Variants in ABL1 observed in about 807,000 individuals in gnomAD.
ABL1 encodes the protein tyrosine-protein kinase ABL1.
Under a neutral mutation model 94.7 loss-of-function variants are expected in ABL1, and 11 were observed. The observed-to-expected ratio is 0.12, with a 90% CI of 0.07 to 0.19. ABL1 has a LOEUF of 0.19. ABL1 is among the 10% of genes least tolerant of loss of function. ABL1 has a pLI of 1.00. For synonymous variants in ABL1, 656 were observed against 622.4 expected, an observed-to-expected ratio of 1.05 and a Z score of -0.80; for missense variants, 1,082 against 1,489.4, an observed-to-expected ratio of 0.73 and a Z score of 4.50.
In ABL1 at chr9:130,872,965, T is replaced by G; in HGVS notation, c.1013T>G (p.Val338Gly). ...TGCAACCGGCAGGAGGTGAACGCCG[T>G]GGTGCTGCTGTACATGGCCACTCAG... is the stretch of plus-strand genomic sequence containing the variant. Reference protein sequence around the residue: ...RECNRQEVNAVVLLYMATQIS... With the variant: ...RECNRQEVNAGVLLYMATQIS... Residue 338 changes from valine to glycine, a missense_variant, in exon 6 of 11, where the codon GTG (valine) becomes GGG (glycine). Val to Gly is a moderately radical substitution (Grantham distance 109, BLOSUM62 -3). Around this residue, in one of 7 missense-constraint regions of ABL1, gnomAD observed 92 missense variants for 212.3 expected, o/e 0.43. Coordinates refer to ENST00000318560, the MANE Select transcript of ABL1 (RefSeq NM_005157.6). This position sits in a 1 kb window ranked among gnomAD's most constrained non-coding sequence, Gnocchi z 5.0. 1 of 1,614,142 alleles carries G rather than the reference T, an allele frequency of 6.2e-7. No homozygotes were observed. The highest frequency in any genetic ancestry group is 8.5e-7 in the Non-Finnish European group (1 of 1,180,024).
chr9:130,860,391 T>C (rs1020223564), intron 3 of ABL1, among the ~76,000 whole-genome samples: 1 of 152,226 alleles, frequency 6.6e-6, no homozygotes, highest in Non-Finnish European at 1.5e-5. Context: ...AGTTGGGCCA[T>C]TCAGTGAAAC....
chr9:130,885,124 C>A lies in ABL1; in HGVS notation c.2834C>A (p.Ala945Asp). 6.2e-7 allele frequency: 1 copy of A among 1,612,486 alleles called. No homozygotes were observed. The highest frequency in any genetic ancestry group is 8.5e-7 in the Non-Finnish European group (1 of 1,179,676). ...CTGGTTGATGCTGTGAACAGTGACGCTGCCAAGCCCAGCCAGCCGGGAGAG... is the reference window on the plus strand; with the variant it reads ...CTGGTTGATGCTGTGAACAGTGACGATGCCAAGCCCAGCCAGCCGGGAGAG... Reference protein sequence around the residue: ...TSLVDAVNSDAAKPSQPGEGL... With the variant: ...TSLVDAVNSDDAKPSQPGEGL... The change falls in exon 11 of 11, where the codon GCT becomes GAT. Residue 945 changes from alanine (A) to aspartate (D), a missense_variant. By Grantham distance (126) the Ala-to-Asp change is moderately radical. Around this residue, in one of 7 missense-constraint regions of ABL1, gnomAD observed 780 missense variants for 835.8 expected, o/e 0.93. Transcript: ENST00000318560.
Position 130,880,074 on chromosome 9 carries a change from A to G in ABL1, c.1430A>G (p.Gln477Arg). The G allele has an allele frequency of 1.2e-6, 2 of 1,614,182 alleles. No homozygotes were observed. The highest frequency in any genetic ancestry group is 2.2e-5 in the South Asian group (2 of 91,084). ...KVYELMRACW[Q>R]WNPSDRPSFA... ...TTGGGTTTCATCTGTCCAGGTTGGC[A>G]GTGGAATCCCTCTGACCGGCCCTCC... The change falls in exon 9 of 11, where the codon CAG (glutamine) becomes CGG (arginine). Residue 477 changes from glutamine (Q) to arginine (R), a missense_variant. Physicochemically the swap from Gln to Arg is conservative, Grantham distance 43 (BLOSUM62 1). Transcript: ENST00000318560. The surrounding 1 kb of genome is among the most constrained non-coding windows in gnomAD (Gnocchi z 4.4).
At chr9:130,744,432 C>T (rs1250409307) in intron 1 of ABL1, among the ~76,000 whole-genome samples, 3 of 151,610 alleles carry the variant, frequency 2.0e-5, no homozygotes, top group Non-Finnish European at 2.9e-5. Context: ...TGAGCCACCA[C>T]GCCTGGCCCC....
chr9:130,721,061 T>G (rs1831508313), intron 1 of ABL1, among the ~76,000 whole-genome samples: 1 of 151,428 alleles, frequency 6.6e-6, no homozygotes, highest in Non-Finnish European at 1.5e-5. Flanking sequence ...CAAAACTTTA[T>G]TTAAAATAAT....
chr9:130,735,118 C>T (rs1831718093), intron 1 of ABL1, among the ~76,000 whole-genome samples: 6 of 152,142 alleles, frequency 3.9e-5, no homozygotes, highest in African/African-American at 9.6e-5. Flanking sequence ...CAACCTCCGC[C>T]GCCTGGGTTC....
intron 1 of ABL1, among the ~76,000 whole-genome samples, chr9:130,851,741 C>G (rs911955877): frequency 6.8e-6 from 1 of 147,476 alleles, no homozygotes; most frequent in Non-Finnish European, 1.5e-5. Flanking sequence ...CAGTTCTTTT[C>G]AAATTAGAAT....
chr9:130,835,374 A>C lies in ABL1; in HGVS notation c.-73A>C. 1 of 1,041,452 alleles carries C rather than the reference A, an allele frequency of 9.6e-7. No homozygotes were observed. The highest frequency in any genetic ancestry group is 1.3e-6 in the Non-Finnish European group (1 of 791,042). The allele number at this position is 1,041,452 out of a possible 1,614,324, so 64.5% of individuals were successfully genotyped here. A position where few individuals can be genotyped will look rare whatever the true frequency, so the allele number is the denominator to read the frequency against. ...GGGCGCCGGGGGGGCGCGCGGGCCG[A>C]GCCGGGCCTGAGCCGGGCCCGCGGA... On this transcript the variant is annotated 5_prime_UTR_variant, in exon 1 of 11. Transcript: ENST00000318560. The surrounding 1 kb of genome is among the most constrained non-coding windows in gnomAD (Gnocchi z 4.6).
rs573205581 is a variant in ABL1 at position 130,764,771 on chromosome 9, C to G, written c.136+50316C>G. Among the ~76,000 whole-genome samples the G allele has an allele frequency of 2.6e-5, 4 of 152,226 alleles. No individual in the cohort carries two copies. The South Asian group carries it at 8.3e-4, about 32-fold the overall frequency. The stretch of plus-strand genomic sequence containing the variant: ...AGGAGTTCGAGATCAGCCTGGCTAA[C>G]ATGGTGAAACCCTGTCTCTACTAAA... On this transcript the variant is annotated intron_variant, in intron 1 of 10. Coordinates refer to the ABL1 transcript ENST00000372348.
chr9:130,771,695 A>G (rs887590437), intron 1 of ABL1, among the ~76,000 whole-genome samples: 3 of 151,352 alleles, frequency 2.0e-5, no homozygotes, highest in Non-Finnish European at 4.4e-5. Context: ...ACCCAGCCTA[A>G]GAGAAGCTGC....
At chr9:130,778,881 C>G (rs1829713484) in intron 1 of ABL1, among the ~76,000 whole-genome samples, 1 of 151,986 alleles carries the variant, frequency 6.6e-6, no homozygotes, top group South Asian at 2.1e-4. Flanking sequence ...AGGAAAAACA[C>G]AGCCCATTCA....
chr9:130,760,935 C>A (rs983830044), intron 1 of ABL1, among the ~76,000 whole-genome samples: 1 of 147,568 alleles, frequency 6.8e-6, no homozygotes, highest in Non-Finnish European at 1.5e-5. Context: ...TTTCCTCCCC[C>A]GCCCCTGCTT....
At chr9:130,758,480 T>C (rs1234636679) in intron 1 of ABL1, among the ~76,000 whole-genome samples, 1 of 151,292 alleles carries the variant, frequency 6.6e-6, no homozygotes, top group Non-Finnish European at 1.5e-5. Context: ...TTGCTCAGGC[T>C]GGAATGCAGT....
In ABL1 at chr9:130,880,744, GGA is replaced by G. The variant is rs1384166440; in HGVS notation, c.1678+81_1678+82del. The G allele has an allele frequency of 6.6e-7, 1 of 1,523,030 alleles. No homozygotes were observed. Among genetic ancestry groups the G allele is most frequent in the Non-Finnish European group, 8.8e-7 (1 of 1,130,066 alleles). The allele number at this position is 1,523,030 out of a possible 1,614,324, so 94.3% of individuals were successfully genotyped here. ...ACATTCAGGCCATCATAGGCCAACG[GGA>G]AGCTGTGAATGGAGCCCGCACAGAA... is the stretch of plus-strand genomic sequence containing the variant. On this transcript the variant is annotated intron_variant, in intron 10 of 10. Coordinates refer to ENST00000318560, the MANE Select transcript of ABL1 (RefSeq NM_005157.6). The surrounding 1 kb of genome is among the most constrained non-coding windows in gnomAD (Gnocchi z 4.4).
rs558976342 is a variant in ABL1, at chr9:130,880,959, G to A, written c.1678+295G>A. 3.3e-5 allele frequency among the ~76,000 whole-genome samples: 5 copies of A among 152,288 alleles called. No homozygotes were observed. The highest frequency in any genetic ancestry group is 1.9e-4 in the East Asian group (1 of 5,180). On this transcript the variant is annotated intron_variant, in intron 10 of 10. Coordinates refer to ENST00000318560, the MANE Select transcript of ABL1 (RefSeq NM_005157.6). This position sits in a 1 kb window ranked among gnomAD's most constrained non-coding sequence, Gnocchi z 4.4. Reference sequence around the variant, plus strand: ...CTAGCCCATCTCCCACCTATTACCCGCGGCATCTGTGGTTGCTGTCTCAGA... The same window carrying A: ...CTAGCCCATCTCCCACCTATTACCCACGGCATCTGTGGTTGCTGTCTCAGA...
chr9:130,783,716 C>T (rs559080481), intron 1 of ABL1, among the ~76,000 whole-genome samples: 3 of 152,012 alleles, frequency 2.0e-5, no homozygotes, highest in East Asian at 1.9e-4. Flanking sequence ...AGTGCAGTGG[C>T]GCAGTCTCCA....
chr9:130,878,270 A>T, intron 7 of ABL1, 145 bp from the exon 8 acceptor site: 1 of 959,790 alleles, frequency 1.0e-6, no homozygotes, highest in Non-Finnish European at 1.6e-6. Context: ...TCTTCTGATG[A>T]TAAAGAGCCT....
At chr9:130,878,874 A>ATTTTTTT in intron 8 of ABL1, among the ~76,000 whole-genome samples, 1 of 127,288 alleles carries the variant, frequency 7.9e-6, no homozygotes, top group South Asian at 2.5e-4. Context: ...TCATGAGGTG[A>ATTTTTTT]TTTTTTTTTT....
chr9:130,871,626 A>G (rs1266884254), intron 4 of ABL1, among the ~76,000 whole-genome samples: 1 of 152,222 alleles, frequency 6.6e-6, no homozygotes, highest in Non-Finnish European at 1.5e-5. Flanking sequence ...ACTTTGAGAC[A>G]TCGTTCTTCT....
Sources: allele counts gnomAD v4.1 joint callset (sites outside exome capture counted in the v4.1 genomes callset), GRCh38; gene constraint gnomAD v4.1.1; regional missense constraint gnomAD v4.1.1; non-coding constraint Gnocchi (gnomAD v3.1); transcripts MANE v1.5; gene names NCBI Gene and HGNC (gene_info 2026-07-23, HGNC 2026-07-21).